NTM: variants seen among roughly 807,000 people sequenced by gnomAD.
NTM encodes neurotrimin, also known as IgLON family member 2.
Under a neutral mutation model 42.1 loss-of-function variants are expected in NTM, and 13 were observed. That is an observed-to-expected ratio of 0.31 (90% confidence interval 0.20 to 0.49). NTM has a LOEUF of 0.49. Among genes scored for constraint, NTM ranks in the 20% least tolerant of loss-of-function variants. The pLI is 0.99. For synonymous variants in NTM, 187 were observed against 179.2 expected (o/e 1.04, Z -0.35); for missense variants, 373 against 452.8 (o/e 0.82, Z 1.60).
At chr11:131,863,820 G>C (rs2046877006) in intron 1 of NTM, among the ~76,000 whole-genome samples, 1 of 152,174 alleles carries the variant, frequency 6.6e-6, no homozygotes, top group Non-Finnish European at 1.5e-5. Context: ...CATGGCTGGG[G>C]AGGACCAGCC....
At chr11:132,298,767 T>C (rs777252418) in intron 4 of NTM, among the ~76,000 whole-genome samples, 1 of 152,222 alleles carries the variant, frequency 6.6e-6, no homozygotes, top group Non-Finnish European at 1.5e-5. Context: ...ATAGTTGATA[T>C]ATGCGTAGCT....
intron 2 of NTM, among the ~76,000 whole-genome samples, chr11:132,095,140 T>A (rs1347158847): frequency 6.6e-6 from 1 of 152,206 alleles, no homozygotes; most frequent in African/African-American, 2.4e-5. Flanking sequence ...TCTGGGCACC[T>A]ACTTTGTGGC....
chr11:131,414,187 A>T (rs1219021215), intron 1 of NTM, among the ~76,000 whole-genome samples: 1 of 152,154 alleles, frequency 6.6e-6, no homozygotes, highest in Non-Finnish European at 1.5e-5. Context: ...GAAGCAGGTA[A>T]ACTCTAGAGA....
At chr11:132,240,662 G>C (rs1036026868) in intron 4 of NTM, among the ~76,000 whole-genome samples, 1 of 152,200 alleles carries the variant, frequency 6.6e-6, no homozygotes, top group Non-Finnish European at 1.5e-5. Context: ...TTTGCCACTG[G>C]CTTTTTCAAG....
intron 1 of NTM, among the ~76,000 whole-genome samples, chr11:131,730,239 A>T (rs1403462354): frequency 6.6e-6 from 1 of 152,216 alleles, no homozygotes; most frequent in Non-Finnish European, 1.5e-5. Context: ...TATCTTTAGC[A>T]ATTAATTTTA....
chr11:131,376,916 T>C (rs1334891658), intron 1 of NTM, among the ~76,000 whole-genome samples: 1 of 152,138 alleles, frequency 6.6e-6, no homozygotes, highest in Non-Finnish European at 1.5e-5. Context: ...GTGCACTGTT[T>C]TAGGTGCTGG....
intron 2 of NTM, among the ~76,000 whole-genome samples, chr11:132,143,083 T>C (rs1309534286): frequency 6.6e-6 from 1 of 152,174 alleles, no homozygotes; most frequent in African/African-American, 2.4e-5. Context: ...AGGACTCTGC[T>C]TCTGGTTTCC....
chr11:131,963,868 T>C (rs1037167611), intron 2 of NTM, among the ~76,000 whole-genome samples: 1 of 152,240 alleles, frequency 6.6e-6, no homozygotes. Context: ...GCTATCATTC[T>C]CATATTTATG....
intron 1 of NTM, among the ~76,000 whole-genome samples, chr11:131,494,936 G>A (rs145687991): frequency 6.6e-6 from 1 of 152,296 alleles, no homozygotes; most frequent in African/African-American, 2.4e-5. Context: ...ATTAAAATAT[G>A]TATGACAACA....
chr11:132,138,632 C>T (rs982210356), intron 2 of NTM, among the ~76,000 whole-genome samples: 4 of 95,744 alleles, frequency 4.2e-5, no homozygotes, highest in South Asian at 7.4e-4. Flanking sequence ...TCTAATCTAT[C>T]GAGAGACTTA....
intron 4 of NTM, among the ~76,000 whole-genome samples, chr11:132,256,728 AT>A (rs2092506502): frequency 6.6e-6 from 1 of 151,338 alleles, no homozygotes; most frequent in South Asian, 2.1e-4. Context: ...ACATGAGTGC[AT>A]CTGTTTGTTC....
intron 1 of NTM, among the ~76,000 whole-genome samples, chr11:131,881,503 CA>C (rs1338618705): frequency 7.9e-5 from 12 of 151,242 alleles, no homozygotes; most frequent in African/African-American, 1.2e-4. Context: ...CACACACACA[CA>C]CACACCCCCC....
At chr11:132,058,786 C>A (rs1790164) in intron 2 of NTM, among the ~76,000 whole-genome samples, 102,384 of 152,078 alleles carry the variant, frequency 0.67, 35,916 homozygotes, top group African/African-American at 0.85. Context: ...GGATCACAGC[C>A]CAGGGCCTGA....
chr11:131,817,953 G>A (rs7945015), intron 1 of NTM, among the ~76,000 whole-genome samples: 25,101 of 152,188 alleles, frequency 0.16, 3,825 homozygotes, highest in African/African-American at 0.41. Context: ...ATAAGTGTCA[G>A]TCCCATTGAC....
intron 1 of NTM, among the ~76,000 whole-genome samples, chr11:131,514,283 T>C (rs1471566382): frequency 3.9e-5 from 6 of 152,166 alleles, no homozygotes; most frequent in Non-Finnish European, 8.8e-5. Flanking sequence ...ATGTAGGTAA[T>C]ACAAACATCT....
At chr11:131,422,395 T>C (rs987646006) in intron 1 of NTM, among the ~76,000 whole-genome samples, 10 of 152,294 alleles carry the variant, frequency 6.6e-5, no homozygotes, top group African/African-American at 1.9e-4. Flanking sequence ...TGGAACCAGG[T>C]GCTTGGAAGT....
intron 1 of NTM, among the ~76,000 whole-genome samples, chr11:131,385,791 A>T (rs1943246830): frequency 6.6e-6 from 1 of 152,172 alleles, no homozygotes; most frequent in African/African-American, 2.4e-5. Context: ...CCAAAAATTC[A>T]AGGCTACAGT....
intron 2 of NTM, among the ~76,000 whole-genome samples, chr11:132,068,867 G>A (rs1225848203): frequency 6.6e-6 from 1 of 152,224 alleles, no homozygotes; most frequent in African/African-American, 2.4e-5. Context: ...AGTTCTGCCT[G>A]TAGGGCCTTT....
At chr11:132,027,486 AC>A (rs2135596998) in intron 2 of NTM, among the ~76,000 whole-genome samples, 1 of 152,276 alleles carries the variant, frequency 6.6e-6, no homozygotes, top group South Asian at 2.1e-4. Context: ...TTTCTCTTTC[AC>A]CTTTGACGAA....
Sources: allele counts gnomAD v4.1 joint callset (sites outside exome capture counted in the v4.1 genomes callset), GRCh38; gene constraint gnomAD v4.1.1; transcripts MANE v1.5; gene names NCBI Gene and HGNC (gene_info 2026-07-23, HGNC 2026-07-21).